AGBL4: variants seen among roughly 807,000 people sequenced by gnomAD.
The protein encoded by AGBL4 is cytosolic carboxypeptidase 6.
Under a neutral mutation model 66.4 loss-of-function variants are expected in AGBL4, and 58 were observed. The observed-to-expected ratio is 0.87, with a 90% CI of 0.71 to 1.09. The LOEUF is 1.09. AGBL4 is among the 50% of genes least tolerant of loss of function. The pLI, the probability that AGBL4 is intolerant of heterozygous loss-of-function variation, is 0.00. For missense variants in AGBL4, 579 were observed against 631.0 expected, an observed-to-expected ratio of 0.92 and a Z score of 0.88; for synonymous variants, 234 against 222.9, an observed-to-expected ratio of 1.05 and a Z score of -0.44.
chr1:49,527,587 A>G (rs1027527582), intron 3 of AGBL4: 1 of 152,746 alleles, frequency 6.5e-6, no homozygotes, highest in Non-Finnish European at 1.5e-5. Flanking sequence ...TTTTCACTTC[A>G]GTTATCAATA....
intron 2 of AGBL4, among the ~76,000 whole-genome samples, chr1:49,751,147 G>A (rs763825695): frequency 2.0e-5 from 3 of 152,094 alleles, no homozygotes; most frequent in Non-Finnish European, 2.9e-5. Flanking sequence ...GGTGAGAGAG[G>A]GCATCCTTGT....
At chr1:49,455,170 T>C (rs768206217) in intron 3 of AGBL4, among the ~76,000 whole-genome samples, 14 of 151,570 alleles carry the variant, frequency 9.2e-5, no homozygotes, top group Admixed American at 1.3e-4. Flanking sequence ...TATGTATGTA[T>C]GAAAAGTATG....
At position 49,042,099 on chromosome 1, in the gene AGBL4, C is replaced by T. The variant is rs182481146; in HGVS notation, c.594+3485G>A. On this transcript the variant is annotated intron_variant, in intron 5 of 13. Transcript: ENST00000371839. Reference sequence around the variant, plus strand: ...GAGCTATTTTGAGATGTCCTTTTTCCCCTGGTACAGAATATACTTCTGGAA... The same window carrying T: ...GAGCTATTTTGAGATGTCCTTTTTCTCCTGGTACAGAATATACTTCTGGAA... Among the ~76,000 whole-genome samples, 8 of 151,698 alleles carry T rather than the reference C, an allele frequency of 5.3e-5. 1 individual carries two copies. Among genetic ancestry groups the T allele is most frequent in the African/African-American group, 1.9e-4 (8 of 41,376 alleles).
intron 1 of AGBL4, among the ~76,000 whole-genome samples, chr1:50,012,149 G>C (rs1478367652): frequency 7.1e-6 from 1 of 141,442 alleles, no homozygotes; most frequent in East Asian, 2.1e-4. Flanking sequence ...CTGGGCGACA[G>C]AGCGAGACTC....
intron 3 of AGBL4, among the ~76,000 whole-genome samples, chr1:49,682,353 G>A (rs980637390): frequency 7.9e-5 from 12 of 152,044 alleles, no homozygotes; most frequent in African/African-American, 2.2e-4. Context: ...GCAGTGAGCC[G>A]AGATCACGCC....
At chr1:48,751,196 C>G (rs1408540747) in intron 6 of AGBL4, among the ~76,000 whole-genome samples, 1 of 152,164 alleles carries the variant, frequency 6.6e-6, no homozygotes, top group Non-Finnish European at 1.5e-5. Context: ...CAATTGGTAT[C>G]TTGAGGCCAT....
chr1:48,915,441 C>A (rs1653502558), intron 5 of AGBL4, among the ~76,000 whole-genome samples: 1 of 152,188 alleles, frequency 6.6e-6, no homozygotes, highest in Non-Finnish European at 1.5e-5. Context: ...TCCTGTAGCA[C>A]AGAAAAGTAT....
At chr1:48,761,532 G>C in intron 6 of AGBL4, 1 of 1,485,002 alleles carries the variant, frequency 6.7e-7, no homozygotes, top group South Asian at 1.3e-5. Flanking sequence ...TATGAGTTTA[G>C]AATGCCCAAA....
intron 3 of AGBL4, among the ~76,000 whole-genome samples, chr1:49,693,384 A>T (rs533740687): frequency 6.6e-6 from 1 of 152,174 alleles, no homozygotes; most frequent in African/African-American, 2.4e-5. Flanking sequence ...TTTATGACCA[A>T]GAATAAAGAG....
At chr1:49,173,954 T>G (rs1646785139) in intron 4 of AGBL4, among the ~76,000 whole-genome samples, 1 of 152,164 alleles carries the variant, frequency 6.6e-6, no homozygotes, top group African/African-American at 2.4e-5. Context: ...GATTGAAAAC[T>G]AAGCATATGA....
intron 11 of AGBL4, among the ~76,000 whole-genome samples, chr1:48,563,476 A>T (rs71647709): frequency 0.11 from 16,442 of 152,052 alleles, 1,359 homozygotes; most frequent in African/African-American, 0.23. Context: ...AGAGAGGGAG[A>T]GAGGGAGATG....
intron 5 of AGBL4, among the ~76,000 whole-genome samples, chr1:48,893,308 C>T (rs570658559): frequency 1.4e-4 from 22 of 152,102 alleles, no homozygotes; most frequent in African/African-American, 2.2e-4. Flanking sequence ...TGCAATGTGA[C>T]GGTCTTAGGA....
At chr1:49,180,066 T>C (rs1283927508) in intron 4 of AGBL4, among the ~76,000 whole-genome samples, 1 of 152,046 alleles carries the variant, frequency 6.6e-6, no homozygotes. Context: ...CATGCCCGGC[T>C]AATTTTGTAT....
chr1:48,881,415 G>A (rs886723903), intron 5 of AGBL4, among the ~76,000 whole-genome samples: 8 of 152,026 alleles, frequency 5.3e-5, no homozygotes, highest in Non-Finnish European at 2.9e-5. Flanking sequence ...GTATCTGTCG[G>A]GCATTAAGAT....
At chr1:49,589,882 G>A (rs1402304191) in intron 3 of AGBL4, among the ~76,000 whole-genome samples, 1 of 151,872 alleles carries the variant, frequency 6.6e-6, no homozygotes, top group Non-Finnish European at 1.5e-5. Context: ...TCTTTATCTT[G>A]TGACAAGTTA....
chr1:49,238,576 A>T (rs1557756744), intron 4 of AGBL4, among the ~76,000 whole-genome samples: 1 of 152,208 alleles, frequency 6.6e-6, no homozygotes, highest in African/African-American at 2.4e-5. Flanking sequence ...CCTGTTTCTT[A>T]TTTTTTTCTG....
chr1:49,669,495 A>C (rs765452959), intron 3 of AGBL4, among the ~76,000 whole-genome samples: 10 of 152,138 alleles, frequency 6.6e-5, no homozygotes, highest in Non-Finnish European at 1.5e-4. Flanking sequence ...CAAAAATATA[A>C]AGCATATTAT....
intron 1 of AGBL4, among the ~76,000 whole-genome samples, chr1:49,944,974 C>A (rs562931126): frequency 3.0e-4 from 45 of 151,898 alleles, no homozygotes; most frequent in Middle Eastern, 6.8e-3. Context: ...CTTCAGAGCT[C>A]AAAGGCAAGG....
At chr1:49,679,150 C>T (rs1646639948) in intron 3 of AGBL4, among the ~76,000 whole-genome samples, 1 of 152,064 alleles carries the variant, frequency 6.6e-6, no homozygotes, top group African/African-American at 2.4e-5. Flanking sequence ...AAGTCTTTAG[C>T]TATTCTGAAT....
Sources: gnomAD v4.1 joint callset for allele counts (sites outside exome capture counted in the v4.1 genomes callset) on GRCh38, gnomAD v4.1.1 for gene constraint, MANE v1.5 for transcripts, NCBI Gene and HGNC (gene_info 2026-07-23, HGNC 2026-07-21) for gene names.